ALDH8A1: variants seen among roughly 807,000 people sequenced by gnomAD.
The protein encoded by ALDH8A1 is aldehyde dehydrogenase 8 family member A1, also known as 2-aminomuconic semialdehyde dehydrogenase.
ALDH8A1 carries 39 observed loss-of-function variants against 43.3 expected under a neutral mutation model. That is an observed-to-expected ratio of 0.90 (90% CI 0.70 to 1.18). The LOEUF is 1.18. Ranked by LOEUF, ALDH8A1 falls within the 50% of genes most tolerant of loss-of-function variation. The probability of loss-of-function intolerance (pLI) is 0.00; values close to 1 mark genes in which losing one functional copy is unlikely to be tolerated. For synonymous variants in ALDH8A1, 233 were observed against 243.5 expected (o/e 0.96, Z 0.40); for missense variants, 605 against 622.6 (o/e 0.97, Z 0.30).
intron 1 of ALDH8A1, among the ~76,000 whole-genome samples, chr6:134,949,530 T>C (rs964314098): frequency 5.3e-5 from 8 of 152,344 alleles, no homozygotes; most frequent in African/African-American, 1.9e-4. Context: ...AGCTATACTT[T>C]TTTTTTAATT....
intron 4 of ALDH8A1, among the ~76,000 whole-genome samples, chr6:134,938,623 TTTATTA>T (rs533306351): frequency 2.7e-5 from 3 of 110,194 alleles, no homozygotes; most frequent in East Asian, 2.7e-4. Context: ...AAGATTTTAT[TTTATTA>T]TTATTATTAT....
intron 4 of ALDH8A1, among the ~76,000 whole-genome samples, chr6:134,938,982 C>T (rs1255440926): frequency 2.6e-5 from 4 of 152,134 alleles, no homozygotes; most frequent in African/African-American, 9.7e-5. Context: ...CTGGAGCAGG[C>T]AGGTGTCTTT....
chr6:134,930,921 T>A (rs1317179209), intron 5 of ALDH8A1, among the ~76,000 whole-genome samples: 1 of 152,210 alleles, frequency 6.6e-6, no homozygotes, highest in Middle Eastern at 3.2e-3. Context: ...TTCTGTAGCC[T>A]GTTAGCTTTT....
chr6:134,924,891 G>C (rs1036349927), intron 6 of ALDH8A1, among the ~76,000 whole-genome samples: 1 of 152,176 alleles, frequency 6.6e-6, no homozygotes, highest in African/African-American at 2.4e-5. Flanking sequence ...TAAAGTTTGA[G>C]AATTTGGAAG....
intron 6 of ALDH8A1, among the ~76,000 whole-genome samples, chr6:134,926,808 CAA>C (rs11392777): frequency 0.6 from 86,965 of 145,936 alleles, 25,679 homozygotes; most frequent in East Asian, 0.75. Flanking sequence ...GACTCTATCT[CAA>C]AAAAAAAAAA....
At chr6:134,923,128 G>A (rs1193117340) in intron 6 of ALDH8A1, among the ~76,000 whole-genome samples, 1 of 152,094 alleles carries the variant, frequency 6.6e-6, no homozygotes, top group Non-Finnish European at 1.5e-5. Context: ...TGGGGTTCAG[G>A]TGATCCTCCT....
intron 6 of ALDH8A1, among the ~76,000 whole-genome samples, chr6:134,926,207 T>A (rs867229510): frequency 1.4e-5 from 2 of 142,728 alleles, no homozygotes; most frequent in African/African-American, 5.4e-5. Context: ...CCCTTCTTTT[T>A]TTTTTTTTTT....
rs139320142 is a variant in ALDH8A1, at chr6:134,929,731, AGAG to A, written c.850-519_850-517del. Among the ~76,000 whole-genome samples the A allele has an allele frequency of 3.9e-3, 600 of 152,288 alleles. 4 individuals are homozygous for A. Among genetic ancestry groups the A allele is most frequent in the African/African-American group, 0.014 (565 of 41,544 alleles). On this transcript the variant is annotated intron_variant, in intron 5 of 6. Coordinates refer to ENST00000265605, the MANE Select transcript of ALDH8A1 (RefSeq NM_022568.4). ...GCAAGGACAGGAGGTGTGTGGTAAG[AGAG>A]GAGGTCAGGAGGCCAGCAAGGCTCT...
intron 6 of ALDH8A1, among the ~76,000 whole-genome samples, chr6:134,923,954 ATCT>A (rs1776845435): frequency 6.6e-6 from 1 of 152,208 alleles, no homozygotes; most frequent in African/African-American, 2.4e-5. Context: ...TGACACGAGA[ATCT>A]TCTTCCTGGG....
intron 5 of ALDH8A1, among the ~76,000 whole-genome samples, chr6:134,930,876 G>A (rs1776974028): frequency 6.6e-6 from 1 of 152,220 alleles, no homozygotes; most frequent in Non-Finnish European, 1.5e-5. Flanking sequence ...CGTCAAGCCA[G>A]ACACTGCGCA....
chr6:134,944,129 G>T, intron 1 of ALDH8A1, 163 bp from the exon 2 acceptor site: 1 of 949,750 alleles, frequency 1.1e-6, no homozygotes, highest in Non-Finnish European at 1.5e-6. Context: ...GGGCAGTGGC[G>T]CAATTTTGGC....
chr6:134,944,518 A>T (rs763758533), intron 1 of ALDH8A1, among the ~76,000 whole-genome samples: 1 of 152,346 alleles, frequency 6.6e-6, no homozygotes, highest in East Asian at 1.9e-4. Context: ...TGTAGTAATC[A>T]GATCATTAGA....
At chr6:134,926,626 T>C (rs1776888048) in intron 6 of ALDH8A1, among the ~76,000 whole-genome samples, 1 of 149,814 alleles carries the variant, frequency 6.7e-6, no homozygotes, top group Non-Finnish European at 1.5e-5. Context: ...CTGGCCAACA[T>C]GGTGAAACCC....
chr6:134,922,165 G>C (rs1307470148), intron 6 of ALDH8A1, among the ~76,000 whole-genome samples: 1 of 152,176 alleles, frequency 6.6e-6, no homozygotes. Flanking sequence ...ATCCTCCTGA[G>C]GCTTTATACA....
chr6:134,928,398 T>C (rs1000015663), intron 6 of ALDH8A1, among the ~76,000 whole-genome samples: 1 of 152,228 alleles, frequency 6.6e-6, no homozygotes, highest in African/African-American at 2.4e-5. Context: ...CTGTCTCTCA[T>C]TGGCTGGCTG....
chr6:134,936,470 G>C (rs896829617), intron 4 of ALDH8A1, among the ~76,000 whole-genome samples: 6 of 152,212 alleles, frequency 3.9e-5, no homozygotes, highest in African/African-American at 1.4e-4. Flanking sequence ...CAGTTTCCTG[G>C]GTAGGGCCCC....
chr6:134,921,536 C>T (rs1776799509), intron 6 of ALDH8A1, among the ~76,000 whole-genome samples: 1 of 152,252 alleles, frequency 6.6e-6, no homozygotes, highest in African/African-American at 2.4e-5. Context: ...GAAATCATAC[C>T]TCCGTTTAGG....
intron 6 of ALDH8A1, among the ~76,000 whole-genome samples, chr6:134,926,197 C>T (rs1776879508): frequency 6.7e-6 from 1 of 149,988 alleles, no homozygotes; most frequent in Non-Finnish European, 1.5e-5. Context: ...AGACTCAGGA[C>T]CCTTCTTTTT....
Position 134,928,437 on chromosome 6 carries a change from G to A in ALDH8A1, c.1011+617C>T, listed in dbSNP as rs568452991. On this transcript the variant is annotated intron_variant, in intron 6 of 6. Transcript: ENST00000265605. ...GGGACAAGTTTCCCTCAGTGGCACT[G>A]AGCTGAAAGCAGAGTCCTTCTGACT... Among the ~76,000 whole-genome samples, 6 of 152,362 alleles carry A rather than the reference G, an allele frequency of 3.9e-5. No individual in the cohort carries two copies. In the East Asian group the frequency reaches 9.6e-4, roughly 24 times the overall value.
Sources: gnomAD v4.1 joint callset for allele counts (sites outside exome capture counted in the v4.1 genomes callset) on GRCh38, gnomAD v4.1.1 for gene constraint, MANE v1.5 for transcripts, NCBI Gene and HGNC (gene_info 2026-07-23, HGNC 2026-07-21) for gene names.